Variants in FSTL5 observed in about 807,000 individuals in gnomAD.
The protein encoded by FSTL5 is follistatin-related protein 5.
In FSTL5, 62 loss-of-function variants were observed where a neutral mutation model predicts 89.1. That is an observed-to-expected ratio of 0.70 (90% CI 0.57 to 0.86). The LOEUF is 0.86. Ranked by LOEUF, FSTL5 falls within the 40% of genes least tolerant of loss-of-function variation. The pLI is 0.00. For synonymous variants in FSTL5, 383 were observed against 346.2 expected, an observed-to-expected ratio of 1.11 and a Z score of -1.18; for missense variants, 1,057 against 1,001.6, an observed-to-expected ratio of 1.06 and a Z score of -0.75.
intron 15 of FSTL5, among the ~76,000 whole-genome samples, chr4:161,407,868 A>G (rs1731440369): frequency 6.6e-6 from 1 of 152,180 alleles, no homozygotes; most frequent in African/African-American, 2.4e-5. Flanking sequence ...AACAGCTTGG[A>G]AAACTTTCAG....
chr4:161,548,182 A>G (rs907389754), intron 8 of FSTL5, among the ~76,000 whole-genome samples: 3 of 151,850 alleles, frequency 2.0e-5, no homozygotes, highest in African/African-American at 7.2e-5. Flanking sequence ...TTGTAGAAAC[A>G]ATCTAAATAT....
At chr4:161,685,060 G>C (rs1340407777) in intron 6 of FSTL5, among the ~76,000 whole-genome samples, 1 of 152,040 alleles carries the variant, frequency 6.6e-6, no homozygotes, top group African/African-American at 2.4e-5. Flanking sequence ...TTGGCTGTAA[G>C]TATTTGGGTT....
chr4:161,391,282 T>C (rs1184975376), intron 15 of FSTL5, among the ~76,000 whole-genome samples: 3 of 152,200 alleles, frequency 2.0e-5, no homozygotes, highest in Middle Eastern at 3.2e-3. Flanking sequence ...GATTAAGTGG[T>C]TAGTGTTTTA....
In FSTL5 at chr4:161,500,230, A is replaced by G. The variant is rs187411501; in HGVS notation, c.1340-96T>C. 93 of 740,558 alleles carry G rather than the reference A, an allele frequency of 1.3e-4. No homozygotes were observed. The African/African-American group carries it at 1.3e-3, about 10-fold the overall frequency. 45.9% of individuals were successfully genotyped at this position (740,558 alleles called of 1,614,324 possible). On this transcript the variant is annotated intron_variant, in intron 11 of 15. Coordinates refer to ENST00000306100, the MANE Select transcript of FSTL5 (RefSeq NM_020116.5). ...CCTCTCATATCTTTAGCAGGAGACC[A>G]ATTTTCGAAGTTGTGTAATGTTAAT...
intron 1 of FSTL5, among the ~76,000 whole-genome samples, chr4:162,145,913 ATTTG>A (rs1257615922): frequency 2.0e-5 from 3 of 152,172 alleles, no homozygotes; most frequent in African/African-American, 7.2e-5. Context: ...TAAAAAAGTG[ATTTG>A]TTTAAGTGGG....
intron 5 of FSTL5, among the ~76,000 whole-genome samples, chr4:161,761,876 C>G (rs1176533103): frequency 6.6e-6 from 1 of 152,130 alleles, no homozygotes; most frequent in East Asian, 1.9e-4. Flanking sequence ...TCTTTTATCT[C>G]ATTTAAGTGG....
chr4:161,564,565 A>C (rs1354686035), intron 8 of FSTL5, among the ~76,000 whole-genome samples: 1 of 151,540 alleles, frequency 6.6e-6, no homozygotes, highest in East Asian at 1.9e-4. Context: ...TTCAATAAAC[A>C]ATTTACTATT....
At chr4:161,963,641 T>C (rs1162925572) in intron 3 of FSTL5, among the ~76,000 whole-genome samples, 2 of 152,134 alleles carry the variant, frequency 1.3e-5, no homozygotes, top group Non-Finnish European at 1.5e-5. Context: ...TTCTGAGTAA[T>C]TGATGCAATT....
chr4:161,454,683 G>A (rs1430842797), intron 15 of FSTL5, among the ~76,000 whole-genome samples: 1 of 152,048 alleles, frequency 6.6e-6, no homozygotes, highest in Non-Finnish European at 1.5e-5. Flanking sequence ...TATCTTTGGG[G>A]GAAATGCCAG....
chr4:161,534,616 G>A (rs772793320), intron 10 of FSTL5, among the ~76,000 whole-genome samples: 3 of 152,084 alleles, frequency 2.0e-5, no homozygotes, highest in Non-Finnish European at 4.4e-5. Flanking sequence ...CTCATGTACT[G>A]GAAGAATCAA....
At chr4:162,006,448 G>A (rs1291417322) in intron 3 of FSTL5, among the ~76,000 whole-genome samples, 3 of 151,904 alleles carry the variant, frequency 2.0e-5, no homozygotes, top group African/African-American at 7.2e-5. Context: ...AGATAAATGA[G>A]TGATATTGAA....
intron 8 of FSTL5, among the ~76,000 whole-genome samples, chr4:161,553,246 A>T (rs995465338): frequency 5.3e-5 from 8 of 151,418 alleles, no homozygotes; most frequent in Non-Finnish European, 3.0e-5. Context: ...ACAATCATAT[A>T]ATATAAACAT....
intron 7 of FSTL5, among the ~76,000 whole-genome samples, chr4:161,635,695 T>C (rs999273280): frequency 2.6e-5 from 4 of 152,180 alleles, no homozygotes; most frequent in African/African-American, 9.6e-5. Flanking sequence ...ATCTTTCTTA[T>C]GAACAACTAC....
intron 3 of FSTL5, among the ~76,000 whole-genome samples, chr4:161,948,320 A>T (rs1353250164): frequency 6.7e-6 from 1 of 150,356 alleles, no homozygotes. Flanking sequence ...ACTGAAAAAG[A>T]GTGATGAATC....
chr4:162,116,898 T>C (rs17641474), intron 1 of FSTL5, among the ~76,000 whole-genome samples: 7,307 of 152,284 alleles, frequency 0.048, 366 homozygotes, highest in East Asian at 0.27. Context: ...TGAGACCTTC[T>C]CTGACATTAC....
chr4:161,686,342 ATATATTTTT>A (rs1737742713), intron 6 of FSTL5, among the ~76,000 whole-genome samples: 1 of 7,820 alleles, frequency 1.3e-4, no homozygotes, highest in South Asian at 9.4e-3. Flanking sequence ...ATATATATAT[ATATATTTTT>A]TTTTTTTTTT....
chr4:161,461,932 A>T (rs1172377084), intron 13 of FSTL5, among the ~76,000 whole-genome samples: 1 of 61,128 alleles, frequency 1.6e-5, no homozygotes, highest in Non-Finnish European at 3.2e-5. Context: ...AAAAAGAAAC[A>T]GTAAAAAAAA....
chr4:161,656,033 A>G (rs563951990), intron 7 of FSTL5, among the ~76,000 whole-genome samples: 4 of 152,308 alleles, frequency 2.6e-5, no homozygotes, highest in African/African-American at 9.6e-5. Context: ...GATTTATACA[A>G]TAAGAATATT....
At chr4:161,666,512 A>G (rs2126693121) in intron 6 of FSTL5, among the ~76,000 whole-genome samples, 1 of 152,274 alleles carries the variant, frequency 6.6e-6, no homozygotes, top group Non-Finnish European at 1.5e-5. Context: ...TGGTCAACCC[A>G]TTTCCAAGGA....
Sources: gnomAD v4.1 joint callset for allele counts (sites outside exome capture counted in the v4.1 genomes callset) on GRCh38, gnomAD v4.1.1 for gene constraint, MANE v1.5 for transcripts, NCBI Gene and HGNC (gene_info 2026-07-23, HGNC 2026-07-21) for gene names.